The following DAAM1 variants were observed in gnomAD, a reference collection of about 807,000 sequenced individuals.
DAAM1 encodes disheveled-associated activator of morphogenesis 1.
Under a neutral mutation model 130.0 loss-of-function variants are expected in DAAM1, and 52 were observed. That is an observed-to-expected ratio of 0.40 (90% CI 0.32 to 0.50). The LOEUF (loss-of-function observed/expected upper bound fraction) is 0.50. Ranked by LOEUF, DAAM1 falls within the 20% of genes least tolerant of loss-of-function variation. The pLI is 0.61. For missense variants in DAAM1, 1,134 were observed against 1,303.8 expected (o/e 0.87, Z 2.01); for synonymous variants, 452 against 444.5 (o/e 1.02, Z -0.21).
At chr14:59,348,746 T>G (rs1350479624) in intron 17 of DAAM1, among the ~76,000 whole-genome samples, 1 of 151,720 alleles carries the variant, frequency 6.6e-6, no homozygotes, top group Non-Finnish European at 1.5e-5. Context: ...CCTGTCTGTT[T>G]GCACGTGTGT....
chr14:59,222,755 A>G (rs949706644), intron 1 of DAAM1, among the ~76,000 whole-genome samples: 1 of 152,216 alleles, frequency 6.6e-6, no homozygotes, highest in Non-Finnish European at 1.5e-5. Flanking sequence ...TTTTTAGCCC[A>G]TTCAGAATGG....
intron 1 of DAAM1, among the ~76,000 whole-genome samples, chr14:59,224,191 A>G (rs1888864669): frequency 6.6e-6 from 1 of 152,202 alleles, no homozygotes; most frequent in South Asian, 2.1e-4. Flanking sequence ...GTACCAGGTG[A>G]TATGCTGATT....
intron 9 of DAAM1, 73 bp from the exon 10 acceptor site, chr14:59,325,887 T>C (rs1885185247): frequency 6.4e-7 from 1 of 1,550,424 alleles, no homozygotes; most frequent in African/African-American, 1.4e-5. Flanking sequence ...TTCTGTTTGC[T>C]TTGAGTTTAC....
At chr14:59,336,944 A>G (rs1885650869) in intron 15 of DAAM1, among the ~76,000 whole-genome samples, 1 of 152,190 alleles carries the variant, frequency 6.6e-6, no homozygotes, top group Non-Finnish European at 1.5e-5. Context: ...TTACAGACAG[A>G]TAGACTGAGC....
intron 17 of DAAM1, among the ~76,000 whole-genome samples, chr14:59,350,992 C>CTAGA (rs1169802070): frequency 2.0e-5 from 3 of 152,154 alleles, no homozygotes; most frequent in African/African-American, 7.2e-5. Context: ...CAGCTGCCTA[C>CTAGA]TAGAAATCAT....
chr14:59,280,643 C>T (rs1376373434), intron 2 of DAAM1, among the ~76,000 whole-genome samples: 1 of 140,860 alleles, frequency 7.1e-6, no homozygotes, highest in African/African-American at 2.6e-5. Flanking sequence ...GGAACGAGTT[C>T]ACAATGAGAG....
Position 59,248,673 on chromosome 14 carries a change from C to A in DAAM1, c.-37-14768C>A, listed in dbSNP as rs1023961924. On this transcript the variant is annotated intron_variant, in intron 1 of 24. Transcript: ENST00000360909. ...GCTGCTAGTCTTATAATTTCCTCTACCCCTTCTCCATCCTCAAGGTCTGTG... is the reference window on the plus strand; with the variant it reads ...GCTGCTAGTCTTATAATTTCCTCTAACCCTTCTCCATCCTCAAGGTCTGTG... Among the ~76,000 whole-genome samples the A allele has an allele frequency of 4.2e-4, 64 of 152,296 alleles. 1 individual carries two copies. The highest frequency in any genetic ancestry group is 8.8e-5 in the Non-Finnish European group (6 of 68,032).
rs145166049 is a variant in DAAM1 at position 59,257,677 on chromosome 14, G to A, written c.-37-5764G>A. ...TAAAGTTGGCAAGGGTCAGGGCAGA[G>A]ACCTCCTTCCAGCACGTAACTCCTC... On this transcript the variant is annotated intron_variant, in intron 1 of 24. Transcript: ENST00000360909. Among the ~76,000 whole-genome samples, 6 of 152,262 alleles carry A rather than the reference G, an allele frequency of 3.9e-5. No homozygotes were observed. The East Asian group carries it at 1.2e-3, about 29-fold the overall frequency.
At chr14:59,209,432 G>A (rs1414187310) in intron 1 of DAAM1, among the ~76,000 whole-genome samples, 1 of 152,094 alleles carries the variant, frequency 6.6e-6, no homozygotes, top group Non-Finnish European at 1.5e-5. Flanking sequence ...TTTCTAAAAG[G>A]AAAGATGGTC....
At chr14:59,281,295 CA>C (rs974272552) in intron 2 of DAAM1, among the ~76,000 whole-genome samples, 1 of 152,154 alleles carries the variant, frequency 6.6e-6, no homozygotes, top group Non-Finnish European at 1.5e-5. Context: ...ACCAGGCTAG[CA>C]GGGGGACCCC....
chr14:59,315,153 C>T (rs3818289), intron 3 of DAAM1, 127 bp from the exon 4 acceptor site: 172,860 of 843,900 alleles, frequency 0.2, 18,600 homozygotes, highest in East Asian at 0.31. Flanking sequence ...AAAATAAATA[C>T]GTCATACCTT....
At chr14:59,202,382 A>G (rs1222664396) in intron 1 of DAAM1, among the ~76,000 whole-genome samples, 1 of 152,226 alleles carries the variant, frequency 6.6e-6, no homozygotes, top group Non-Finnish European at 1.5e-5. Context: ...ACAGAATTTC[A>G]GATCCAGGCT....
At chr14:59,256,263 T>C (rs1881879915) in intron 1 of DAAM1, among the ~76,000 whole-genome samples, 1 of 152,234 alleles carries the variant, frequency 6.6e-6, no homozygotes, top group African/African-American at 2.4e-5. Context: ...GGGAGGGTTT[T>C]CTTGTGGACT....
At chr14:59,204,844 C>A (rs2139400330) in intron 1 of DAAM1, among the ~76,000 whole-genome samples, 1 of 152,100 alleles carries the variant, frequency 6.6e-6, no homozygotes, top group South Asian at 2.1e-4. Context: ...CCAGCCTGGC[C>A]AACATGGCAA....
At chr14:59,235,686 T>G (rs996445348) in intron 1 of DAAM1, among the ~76,000 whole-genome samples, 6 of 152,230 alleles carry the variant, frequency 3.9e-5, no homozygotes, top group African/African-American at 1.2e-4. Context: ...TGCTAGTTTT[T>G]GAATTTCTTT....
Position 59,191,922 on chromosome 14 carries a change from G to T in DAAM1, c.-38+3154G>T, listed in dbSNP as rs747793525. Among the ~76,000 whole-genome samples the T allele has an allele frequency of 2.0e-5, 3 of 151,416 alleles. No individual in the cohort carries two copies. In the East Asian group the frequency reaches 5.8e-4, roughly 29 times the overall value. ...TTGTTTCAGGCTGGTTGATGTGAAA[G>T]AAATGTGAAAGAACATTTGCCCAAT... is the stretch of plus-strand genomic sequence containing the variant. On this transcript the variant is annotated intron_variant, in intron 1 of 24. Transcript: ENST00000360909.
intron 1 of DAAM1, among the ~76,000 whole-genome samples, chr14:59,236,212 C>A (rs1889291372): frequency 6.6e-6 from 1 of 151,516 alleles, no homozygotes; most frequent in Non-Finnish European, 1.5e-5. Flanking sequence ...TAATTTTTAG[C>A]AGATCAAAGG....
intron 2 of DAAM1, among the ~76,000 whole-genome samples, chr14:59,276,931 T>C (rs1466732927): frequency 6.6e-6 from 1 of 152,218 alleles, no homozygotes; most frequent in Non-Finnish European, 1.5e-5. Context: ...TATTTGAATG[T>C]CCTCAGACCT....
intron 3 of DAAM1, among the ~76,000 whole-genome samples, chr14:59,295,999 C>G (rs964923620): frequency 2.0e-5 from 3 of 152,184 alleles, no homozygotes; most frequent in African/African-American, 7.2e-5. Context: ...GACAGTATTA[C>G]TAGACTTCTT....
Sources: allele counts gnomAD v4.1 joint callset (sites outside exome capture counted in the v4.1 genomes callset), GRCh38; gene constraint gnomAD v4.1.1; transcripts MANE v1.5; gene names NCBI Gene and HGNC (gene_info 2026-07-23, HGNC 2026-07-21).